DTWD1: variants seen among roughly 807,000 people sequenced by gnomAD.
DTWD1 encodes the protein tRNA-uridine aminocarboxypropyltransferase 1.
Under a neutral mutation model 30.2 loss-of-function variants are expected in DTWD1, and 27 were observed. That is an observed-to-expected ratio of 0.90 (90% confidence interval 0.66 to 1.23). The LOEUF is 1.23. DTWD1 is among the 50% of genes most tolerant of loss of function. DTWD1 has a pLI of 0.00. For missense variants in DTWD1, 342 were observed against 348.8 expected (o/e 0.98, Z 0.15); for synonymous variants, 99 against 113.1 (o/e 0.88, Z 0.79).
Position 49,648,283 on chromosome 15 carries a change from A to G in DTWD1, c.*4705A>G, listed in dbSNP as rs1286913007. ...CTAGCTGGATTGCAGAGATGAGCCA[A>G]AGCGCTTCTCCCCAAATTATTATTT... is the stretch of plus-strand genomic sequence containing the variant. On this transcript the variant is annotated 3_prime_UTR_variant, in exon 5 of 5. Transcript: ENST00000403028. 6.6e-6 allele frequency: 1 copy of G among 152,066 alleles called. No homozygotes were observed. The highest frequency in any genetic ancestry group is 1.5e-5 in the Non-Finnish European group (1 of 68,006). The allele number at this position is 152,066 out of a possible 1,614,324, so 9.4% of individuals were successfully genotyped here.
At chr15:49,621,932 A>G (rs745994388) in intron 1 of DTWD1, among the ~76,000 whole-genome samples, 6 of 152,328 alleles carry the variant, frequency 3.9e-5, no homozygotes, top group East Asian at 1.9e-4. Context: ...TTGGTCCACA[A>G]TATAGGACAG....
intron 2 of DTWD1, chr15:49,629,672 A>G (rs1365788840): frequency 6.6e-6 from 1 of 152,206 alleles, no homozygotes; most frequent in Admixed American, 6.5e-5. Context: ...ACTCTGATGT[A>G]GTGTTCAGCC....
intron 2 of DTWD1, chr15:49,631,071 A>AG (rs772555682): frequency 2.3e-5 from 9 of 396,260 alleles, no homozygotes; most frequent in Non-Finnish European, 4.6e-5. Context: ...GAGTTGTATA[A>AG]TTATTTCATT....
rs1447621983 is a variant in DTWD1, at chr15:49,651,994, TA to T, written c.*8417del. 2 of 151,764 alleles carry T rather than the reference TA, an allele frequency of 1.3e-5. No individual in the cohort carries two copies. Among genetic ancestry groups the T allele is most frequent in the African/African-American group, 4.8e-5 (2 of 41,286 alleles). 9.4% of individuals were successfully genotyped at this position (151,764 alleles called of 1,614,324 possible). A position where few individuals can be genotyped will look rare whatever the true frequency, so the allele number is the denominator to read the frequency against. On this transcript the variant is annotated 3_prime_UTR_variant, in exon 5 of 5. Transcript: ENST00000403028. Reference sequence around the variant, plus strand: ...GGATGCCATACTCCAAGATACAGAGTATGTACTGGATCAATTATCCTTATAT... The same window carrying T: ...GGATGCCATACTCCAAGATACAGAGTTGTACTGGATCAATTATCCTTATAT...
At chr15:49,622,927 A>G (rs1356075284) in intron 1 of DTWD1, among the ~76,000 whole-genome samples, 3 of 152,228 alleles carry the variant, frequency 2.0e-5, no homozygotes, top group African/African-American at 7.2e-5. Context: ...GGTTATTTAT[A>G]TAAAGCTTCA....
At chr15:49,626,047 CT>C (rs201153921) in intron 2 of DTWD1, among the ~76,000 whole-genome samples, 1,532 of 152,068 alleles carry the variant, frequency 0.01, 28 homozygotes, top group African/African-American at 0.035. Flanking sequence ...CACTAAACCT[CT>C]TTGTTTTTCT....
In DTWD1 at chr15:49,648,298, A is replaced by G. The variant is rs2079132866; in HGVS notation, c.*4720A>G. ...AGATGAGCCAAAGCGCTTCTCCCCA[A>G]ATTATTATTTATTCATTTTTGAGAC... On this transcript the variant is annotated 3_prime_UTR_variant, in exon 5 of 5. Coordinates refer to ENST00000403028, the MANE Select transcript of DTWD1 (RefSeq NM_001144955.2). The G allele has an allele frequency of 6.6e-6, 1 of 151,964 alleles. No homozygotes were observed. 9.4% of individuals were successfully genotyped at this position (151,964 alleles called of 1,614,324 possible).
chr15:49,632,237 G>A lies in DTWD1; in HGVS notation c.343G>A (p.Ala115Thr). The A allele has an allele frequency of 1.9e-6, 3 of 1,600,102 alleles. No individual in the cohort carries two copies. The highest frequency in any genetic ancestry group is 2.5e-6 in the Non-Finnish European group (3 of 1,176,708). Residue 115 changes from alanine (A) to threonine (T), a missense_variant, in exon 3 of 5, where the codon GCA becomes ACA. Transcript: ENST00000403028. ...KSTAIHAKLL[A>T]PEFVNIYTYP... ...TACTGCTATACATGCAAAACTCTTA[G>A]CACCTGAATTTGTAAACATTTACAC...
At chr15:49,631,034 G>A (rs1389085085) in intron 2 of DTWD1, 1 of 440,212 alleles carries the variant, frequency 2.3e-6, no homozygotes, top group Admixed American at 2.4e-5. Context: ...AACCAGCTCA[G>A]GGATCCTGCT....
At chr15:49,623,989 C>T (rs374004925) in intron 1 of DTWD1, among the ~76,000 whole-genome samples, 1 of 151,860 alleles carries the variant, frequency 6.6e-6, no homozygotes, top group East Asian at 1.9e-4. Context: ...CCTTTTTCTA[C>T]TATAACCGGC....
chr15:49,631,378 A>G (rs970376584), intron 2 of DTWD1, among the ~76,000 whole-genome samples: 5 of 152,234 alleles, frequency 3.3e-5, no homozygotes, highest in Admixed American at 6.5e-5. Context: ...TGCAAAGGAT[A>G]ACAGTTTTGA....
chr15:49,634,508 A>G (rs372292928), intron 3 of DTWD1, 28 bp from the exon 4 acceptor site: 3 of 1,570,264 alleles, frequency 1.9e-6, no homozygotes, highest in African/African-American at 1.4e-5. Context: ...ATAGTAGCAC[A>G]CTGCTAACCC....
intron 4 of DTWD1, 71 bp downstream of exon 4, chr15:49,634,865 T>C: frequency 7.0e-7 from 1 of 1,432,928 alleles, no homozygotes; most frequent in Non-Finnish European, 9.3e-7. Flanking sequence ...AACTTACAGA[T>C]AATTTGAAAG....
chr15:49,633,051 A>ATATCTATATATATATATATATATC (rs1436181234), intron 3 of DTWD1, among the ~76,000 whole-genome samples: 26 of 140,524 alleles, frequency 1.9e-4, no homozygotes, highest in African/African-American at 6.5e-4. Context: ...ATCTATATCT[A>ATATCTATATATATATATATATATC]TATATATATA....
chr15:49,634,881 T>C, intron 4 of DTWD1, 87 bp downstream of exon 4: 1 of 1,261,090 alleles, frequency 7.9e-7, no homozygotes, highest in Non-Finnish European at 1.1e-6. Context: ...GAAAGAGGAG[T>C]TACACTGAAT....
rs2079151859 is a variant in DTWD1 at position 49,651,480 on chromosome 15, A to T, written c.*7902A>T. 1 of 152,140 alleles carries T rather than the reference A, an allele frequency of 6.6e-6. No individual in the cohort carries two copies. Among genetic ancestry groups the T allele is most frequent in the East Asian group, 1.9e-4 (1 of 5,180 alleles). 9.4% of individuals were successfully genotyped at this position (152,140 alleles called of 1,614,324 possible). ...TGGAATGTCCACTGTGGAAAGGATGAAGACTAAGCATAGGGTTCAGTAGCT... is the reference window on the plus strand; with the variant it reads ...TGGAATGTCCACTGTGGAAAGGATGTAGACTAAGCATAGGGTTCAGTAGCT... On this transcript the variant is annotated 3_prime_UTR_variant, in exon 5 of 5. Coordinates refer to ENST00000403028, the MANE Select transcript of DTWD1 (RefSeq NM_001144955.2).
At chr15:49,633,613 G>A (rs1303283738) in intron 3 of DTWD1, 3 of 288,390 alleles carry the variant, frequency 1.0e-5, no homozygotes, top group African/African-American at 2.3e-5. Context: ...GGGATTACAG[G>A]TATGAGCCAC....
chr15:49,639,511 A>T (rs1487451396), intron 4 of DTWD1, among the ~76,000 whole-genome samples: 1 of 152,180 alleles, frequency 6.6e-6, no homozygotes, highest in East Asian at 1.9e-4. Context: ...GCGGTGAGCT[A>T]TGCTCATGCC....
intron 2 of DTWD1, 76 bp downstream of exon 2, chr15:49,625,507 T>C (rs2078830677): frequency 7.8e-7 from 1 of 1,275,772 alleles, no homozygotes; most frequent in Non-Finnish European, 1.1e-6. Flanking sequence ...CTACTCTAAT[T>C]GATAAACTTA....
Sources: allele counts gnomAD v4.1 joint callset (sites outside exome capture counted in the v4.1 genomes callset), GRCh38; gene constraint gnomAD v4.1.1; transcripts MANE v1.5; gene names NCBI Gene and HGNC (gene_info 2026-07-23, HGNC 2026-07-21).